The following ARHGAP42 variants were observed in gnomAD, a reference collection of about 807,000 sequenced individuals.
The protein encoded by ARHGAP42 is rho GTPase-activating protein 42.
ARHGAP42 carries 63 observed loss-of-function variants against 125.0 expected under a neutral mutation model. The ratio of observed to expected loss-of-function variants is 0.50; its 90% CI spans 0.41 to 0.62. ARHGAP42 has a LOEUF of 0.62. ARHGAP42 is among the 20% of genes least tolerant of loss of function. The pLI, the probability that ARHGAP42 is intolerant of heterozygous loss-of-function variation, is 0.00. For synonymous variants in ARHGAP42, 339 were observed against 351.0 expected (o/e 0.97, Z 0.38); for missense variants, 766 against 1,024.2 (o/e 0.75, Z 3.44).
intron 1 of ARHGAP42, among the ~76,000 whole-genome samples, chr11:100,705,075 G>T (rs1861463364): frequency 6.6e-6 from 1 of 150,468 alleles, no homozygotes; most frequent in African/African-American, 2.4e-5. Context: ...CCTACTTTAA[G>T]TCCTTAGGTT....
intron 4 of ARHGAP42, among the ~76,000 whole-genome samples, chr11:100,911,552 A>G (rs555580136): frequency 6.6e-6 from 1 of 152,266 alleles, no homozygotes; most frequent in Non-Finnish European, 1.5e-5. Flanking sequence ...AGAAAAGAAA[A>G]AAGGATCATG....
At chr11:100,785,700 A>G (rs1863417267) in intron 2 of ARHGAP42, among the ~76,000 whole-genome samples, 1 of 152,114 alleles carries the variant, frequency 6.6e-6, no homozygotes, top group Non-Finnish European at 1.5e-5. Flanking sequence ...TGCGAGGTGT[A>G]AGTGGTTGCT....
chr11:100,703,178 T>C (rs1027689038), intron 1 of ARHGAP42, among the ~76,000 whole-genome samples: 6 of 152,202 alleles, frequency 3.9e-5, no homozygotes, highest in African/African-American at 1.2e-4. Flanking sequence ...CTGGGCTAAC[T>C]TCTCAGACTA....
chr11:100,735,912 A>G (rs558910656), intron 1 of ARHGAP42, among the ~76,000 whole-genome samples: 18 of 151,968 alleles, frequency 1.2e-4, no homozygotes, highest in African/African-American at 4.4e-4. Flanking sequence ...TACCGCGCCC[A>G]GCAGACTTGT....
At chr11:100,988,562 GCA>G in intron 23 of ARHGAP42, 149 bp from the exon 24 acceptor site, 1 of 573,022 alleles carries the variant, frequency 1.7e-6, no homozygotes, top group Non-Finnish European at 3.1e-6. Context: ...ACATGAGCAT[GCA>G]CAGTTTCTGG....
intron 1 of ARHGAP42, among the ~76,000 whole-genome samples, chr11:100,707,158 T>C (rs1754210768): frequency 6.6e-6 from 1 of 152,204 alleles, no homozygotes; most frequent in South Asian, 2.1e-4. Flanking sequence ...AGTTGAACAT[T>C]TTAGTTGTTT....
intron 6 of ARHGAP42, among the ~76,000 whole-genome samples, chr11:100,923,654 T>C (rs948919228): frequency 1.3e-5 from 2 of 152,154 alleles, no homozygotes; most frequent in Non-Finnish European, 2.9e-5. Context: ...TCAATTGAAA[T>C]GTGTTTTCTT....
chr11:100,719,192 ATTC>A (rs1475836166), intron 1 of ARHGAP42, among the ~76,000 whole-genome samples: 1 of 152,204 alleles, frequency 6.6e-6, no homozygotes, highest in African/African-American at 2.4e-5. Flanking sequence ...TTGCTTCCTA[ATTC>A]TTCATTCACC....
In ARHGAP42 at chr11:100,992,675, G is replaced by T. The variant is rs200444776; in HGVS notation, c.*3874G>T. On this transcript the variant is annotated 3_prime_UTR_variant, in exon 24 of 24. Coordinates refer to ENST00000298815, the MANE Select transcript of ARHGAP42 (RefSeq NM_152432.4). ...GCCAGTTCCACTTGGTAATAACGTT[G>T]GGAAAATGCAGGTTTATGAATGATG... 109 of 1,596,100 alleles carry T rather than the reference G, an allele frequency of 6.8e-5. 1 individual carries two copies. The South Asian group carries it at 1.2e-3, about 17-fold the overall frequency.
intron 6 of ARHGAP42, among the ~76,000 whole-genome samples, chr11:100,925,736 T>G (rs1286935078): frequency 6.6e-6 from 1 of 152,168 alleles, no homozygotes; most frequent in Non-Finnish European, 1.5e-5. Flanking sequence ...AGACTCTGTC[T>G]CAAAAAAATA....
At chr11:100,790,725 T>C (rs1368242498) in intron 2 of ARHGAP42, among the ~76,000 whole-genome samples, 2 of 152,212 alleles carry the variant, frequency 1.3e-5, no homozygotes, top group Admixed American at 6.5e-5. Flanking sequence ...CTATTTTCAG[T>C]CTACTGTGTA....
At chr11:100,756,330 T>C (rs542599122) in intron 1 of ARHGAP42, among the ~76,000 whole-genome samples, 175 of 151,960 alleles carry the variant, frequency 1.2e-3, no homozygotes, top group African/African-American at 4.0e-3. Flanking sequence ...CCCAGGCAGT[T>C]GAAGCTGCAG....
intron 6 of ARHGAP42, among the ~76,000 whole-genome samples, chr11:100,928,268 T>C (rs546772683): frequency 6.6e-6 from 1 of 152,296 alleles, no homozygotes; most frequent in Non-Finnish European, 1.5e-5. Context: ...CTTATGGTGC[T>C]TTGTGTTTGG....
At chr11:100,962,184 A>T (rs182587154) in intron 15 of ARHGAP42, among the ~76,000 whole-genome samples, 56 of 152,188 alleles carry the variant, frequency 3.7e-4, no homozygotes, top group African/African-American at 1.3e-3. Context: ...CATGGAAAGA[A>T]GTACATTGGT....
At chr11:100,787,938 G>A (rs1271157998) in intron 2 of ARHGAP42, among the ~76,000 whole-genome samples, 1 of 151,940 alleles carries the variant, frequency 6.6e-6, no homozygotes, top group Non-Finnish European at 1.5e-5. Context: ...ATAGGTGCTT[G>A]TAATATAGAC....
At chr11:100,902,560 A>T (rs1447581494) in intron 4 of ARHGAP42, among the ~76,000 whole-genome samples, 1 of 152,192 alleles carries the variant, frequency 6.6e-6, no homozygotes, top group Non-Finnish European at 1.5e-5. Context: ...AGGACTATGT[A>T]TATTGGTAGT....
chr11:100,694,430 G>A (rs1184082926), intron 1 of ARHGAP42, among the ~76,000 whole-genome samples: 1 of 151,558 alleles, frequency 6.6e-6, no homozygotes, highest in African/African-American at 2.4e-5. Flanking sequence ...GGGTTATTTA[G>A]TCTAAAGTCA....
chr11:100,976,559 T>C, intron 20 of ARHGAP42, 122 bp downstream of exon 20: 1 of 1,366,494 alleles, frequency 7.3e-7, no homozygotes, highest in Non-Finnish European at 9.7e-7. Flanking sequence ...TTATCTACTT[T>C]TTTCCTGTGC....
chr11:100,903,709 A>AAAAAAAAAAAT (rs1332890022), intron 4 of ARHGAP42, among the ~76,000 whole-genome samples: 13 of 63,512 alleles, frequency 2.0e-4, no homozygotes, highest in South Asian at 5.7e-4. Context: ...TGTCCCTCAA[A>AAAAAAAAAAAT]ATATATATAT....
Sources: allele counts gnomAD v4.1 joint callset (sites outside exome capture counted in the v4.1 genomes callset), GRCh38; gene constraint gnomAD v4.1.1; transcripts MANE v1.5; gene names NCBI Gene and HGNC (gene_info 2026-07-23, HGNC 2026-07-21).